ATP5ME: variants seen among roughly 807,000 people sequenced by gnomAD.
ATP5ME encodes ATP synthase membrane subunit e.
A neutral mutation model predicts 11.6 loss-of-function variants in ATP5ME; 10 were observed. The ratio of observed to expected loss-of-function variants is 0.86; its 90% CI spans 0.53 to 1.46. The LOEUF (loss-of-function observed/expected upper bound fraction) is 1.46. Ranked by LOEUF, ATP5ME falls within the 40% of genes most tolerant of loss-of-function variation. The pLI, the probability that ATP5ME is intolerant of heterozygous loss-of-function variation, is 0.00. For synonymous variants in ATP5ME, 45 were observed against 33.5 expected (o/e 1.34, Z -1.19); for missense variants, 115 against 85.4 (o/e 1.35, Z -1.37).
intron 2 of ATP5ME, 136 bp from the exon 3 acceptor site, chr4:673,537 G>T: frequency 6.9e-7 from 1 of 1,451,202 alleles, no homozygotes. Context: ...GTTAATGCGA[G>T]TCAACGCCTG....
chr4:672,802 C>T (rs1346525394), intron 3 of ATP5ME, among the ~76,000 whole-genome samples: 1 of 152,194 alleles, frequency 6.6e-6, no homozygotes, highest in Admixed American at 6.5e-5. Flanking sequence ...GGCTGGAGTG[C>T]AGTGGCGTGA....
chr4:673,078 T>G (rs1184344422), intron 3 of ATP5ME, among the ~76,000 whole-genome samples: 1 of 152,226 alleles, frequency 6.6e-6, no homozygotes, highest in Non-Finnish European at 1.5e-5. Context: ...GAGACAGGGT[T>G]GCACCATGTT....
intron 1 of ATP5ME, 29 bp downstream of exon 1, chr4:674,183 C>G (rs1460490062): frequency 9.9e-6 from 16 of 1,609,106 alleles, no homozygotes; most frequent in Admixed American, 3.3e-5. Flanking sequence ...GCCCAGAGCA[C>G]TGGGCGGCGG....
chr4:674,115 G>A, intron 1 of ATP5ME, 97 bp downstream of exon 1: 1 of 1,470,384 alleles, frequency 6.8e-7, no homozygotes, highest in Admixed American at 2.0e-5. Flanking sequence ...GGATCATGGG[G>A]GCGGGGGCCG....
rs768823589 is a variant in ATP5ME at position 674,273 on chromosome 4, G to A, written c.-26C>T. ...CTTGTCCCTGACCTCCGCACCGGAAGCACAACCTGCAGACGGAGCAGGATG... is the reference window on the plus strand; with the variant it reads ...CTTGTCCCTGACCTCCGCACCGGAAACACAACCTGCAGACGGAGCAGGATG... On this transcript the variant is annotated 5_prime_UTR_variant, in exon 1 of 4. Coordinates refer to ENST00000304312, the MANE Select transcript of ATP5ME (RefSeq NM_007100.4). 7 of 1,610,334 alleles carry A rather than the reference G, an allele frequency of 4.3e-6. No individual in the cohort carries two copies. The highest frequency in any genetic ancestry group is 5.9e-6 in the Non-Finnish European group (7 of 1,178,630).
intron 1 of ATP5ME, 65 bp downstream of exon 1, chr4:674,147 G>C: frequency 3.2e-6 from 5 of 1,554,304 alleles, no homozygotes; most frequent in Non-Finnish European, 4.4e-6. Context: ...CCGCGGGGTC[G>C]GAGCTGCGGG....
Position 673,907 on chromosome 4 carries a change from C to G in ATP5ME, c.91+5G>C, listed in dbSNP as rs1037855216. Reference sequence around the variant, plus strand: ...CCCGCCCCGGCCCCGCCCGCGGTCACTCACTGTAGCGCGTGGCTCCGTAGG... The same window carrying G: ...CCCGCCCCGGCCCCGCCCGCGGTCAGTCACTGTAGCGCGTGGCTCCGTAGG... On this transcript the variant is annotated splice_donor_5th_base_variant and intron_variant, in intron 2 of 3. Transcript: ENST00000304312. 15 of 1,546,038 alleles carry G rather than the reference C, an allele frequency of 9.7e-6. No individual in the cohort carries two copies. Among genetic ancestry groups the G allele is most frequent in the Non-Finnish European group, 1.3e-5 (15 of 1,146,870 alleles).
intron 2 of ATP5ME, 40 bp from the exon 3 acceptor site, chr4:673,441 T>G: frequency 6.2e-7 from 1 of 1,613,706 alleles, no homozygotes; most frequent in Non-Finnish European, 8.5e-7. Context: ...TCACTGGAAA[T>G]GCTGTACAAA....
At chr4:673,512 G>A (rs1208604236) in intron 2 of ATP5ME, 111 bp from the exon 3 acceptor site, 1 of 1,553,528 alleles carries the variant, frequency 6.4e-7, no homozygotes, top group Non-Finnish European at 8.7e-7. Flanking sequence ...CGCACCTGCT[G>A]TTCCCGCTCT....
chr4:674,002 G>A, intron 1 of ATP5ME, 36 bp from the exon 2 acceptor site: 2 of 1,540,314 alleles, frequency 1.3e-6, no homozygotes, highest in Non-Finnish European at 1.7e-6. Flanking sequence ...GCGCGAAACG[G>A]GGCTCGCGGG....
At chr4:673,777 C>G in intron 2 of ATP5ME, 135 bp downstream of exon 2, 1 of 1,269,088 alleles carries the variant, frequency 7.9e-7, no homozygotes, top group Middle Eastern at 2.2e-4. Flanking sequence ...CGGGGTCACG[C>G]TCGGTGGAGG....
At position 674,140 on chromosome 4, in the gene ATP5ME, C is replaced by T; in HGVS notation, c.36+72G>A. 7.1e-6 allele frequency: 5 copies of T among 699,458 alleles called. No homozygotes were observed. In the South Asian group the frequency reaches 1.1e-4, roughly 16 times the overall value. The allele number at this position is 699,458 out of a possible 1,614,324, so 43.3% of individuals were successfully genotyped here. ...GGCGGGGGCCGGGGGTCGCAGCCCG[C>T]GGGGTCGGAGCTGCGGGGCGGGACA... On this transcript the variant is annotated intron_variant, in intron 1 of 3. Transcript: ENST00000304312.
intron 3 of ATP5ME, 77 bp from the exon 4 acceptor site, chr4:672,596 ATTTT>A (rs367766081): frequency 3.3e-3 from 3,715 of 1,125,932 alleles, no homozygotes; most frequent in Middle Eastern, 4.9e-3. Context: ...CTTCCCAGTT[ATTTT>A]TTTTTTTTTT....
At position 673,569 on chromosome 4, in the gene ATP5ME, A is replaced by T. The variant is rs572958442; in HGVS notation, c.92-168T>A. 1.6e-4 allele frequency: 193 copies of T among 1,239,934 alleles called. 2 individuals are homozygous for T. In the African/African-American group the frequency reaches 2.3e-3, roughly 15 times the overall value. The allele number at this position is 1,239,934 out of a possible 1,614,324, so 76.8% of individuals were successfully genotyped here. A position where few individuals can be genotyped will look rare whatever the true frequency, so the allele number is the denominator to read the frequency against. ...CCTGACCTTCACCCTGACGAGTCCA[A>T]CCCAGAGGCTACAGGGCCCCTGCTG... On this transcript the variant is annotated intron_variant, in intron 2 of 3. Transcript: ENST00000304312.
intron 2 of ATP5ME, 125 bp downstream of exon 2, chr4:673,787 G>A (rs1738643619): frequency 7.6e-7 from 1 of 1,316,288 alleles, no homozygotes. Context: ...CTCGGTGGAG[G>A]ACACGGTCCT....
In ATP5ME at chr4:674,250, T is replaced by C. The variant is rs1354188168; in HGVS notation, c.-3A>G. The stretch of plus-strand genomic sequence containing the variant: ...GAGACCTGCACCGGTGGCACCATCT[T>C]GTCCCTGACCTCCGCACCGGAAGCA... On this transcript the variant is annotated 5_prime_UTR_variant, in exon 1 of 4. Transcript: ENST00000304312. 3 of 1,611,694 alleles carry C rather than the reference T, an allele frequency of 1.9e-6. No homozygotes were observed. Among genetic ancestry groups the C allele is most frequent in the Non-Finnish European group, 2.5e-6 (3 of 1,179,244 alleles).
At chr4:672,596 ATTT>A (rs367766081) in intron 3 of ATP5ME, 77 bp from the exon 4 acceptor site, 31,924 of 1,110,722 alleles carry the variant, frequency 0.029, no homozygotes, top group Middle Eastern at 0.032. Flanking sequence ...CTTCCCAGTT[ATTT>A]TTTTTTTTTT....
chr4:673,561 C>G lies in ATP5ME; in HGVS notation c.92-160G>C, dbSNP rs981757225. 7 of 1,302,438 alleles carry G rather than the reference C, an allele frequency of 5.4e-6. No homozygotes were observed. The African/African-American group carries it at 5.9e-5, about 11-fold the overall frequency. The allele number at this position is 1,302,438 out of a possible 1,614,324, so 80.7% of individuals were successfully genotyped here. ...AGTCAACGCCTGACCTTCACCCTGACGAGTCCAACCCAGAGGCTACAGGGC... is the reference window on the plus strand; with the variant it reads ...AGTCAACGCCTGACCTTCACCCTGAGGAGTCCAACCCAGAGGCTACAGGGC... On this transcript the variant is annotated intron_variant, in intron 2 of 3. Coordinates refer to ENST00000304312, the MANE Select transcript of ATP5ME (RefSeq NM_007100.4).
At chr4:672,612 T>TTG in intron 3 of ATP5ME, 93 bp from the exon 4 acceptor site, 1 of 1,456,060 alleles carries the variant, frequency 6.9e-7, no homozygotes, top group Non-Finnish European at 9.3e-7. Flanking sequence ...TTTTTTTTTT[T>TTG]TTTTGTTTTG....
Sources: allele counts gnomAD v4.1 joint callset (sites outside exome capture counted in the v4.1 genomes callset), GRCh38; gene constraint gnomAD v4.1.1; transcripts MANE v1.5; gene names NCBI Gene and HGNC (gene_info 2026-07-23, HGNC 2026-07-21).